Variants in THSD7B observed in about 807,000 individuals in gnomAD.
THSD7B encodes the protein thrombospondin type-1 domain-containing protein 7B.
A neutral mutation model predicts 213.6 loss-of-function variants in THSD7B; 138 were observed. The observed-to-expected ratio is 0.65, with a 90% CI of 0.56 to 0.74. THSD7B has a LOEUF of 0.74. THSD7B is among the 30% of genes least tolerant of loss of function. The pLI, the probability that THSD7B is intolerant of heterozygous loss-of-function variation, is 0.00. For missense variants in THSD7B, 1,931 were observed against 1,991.5 expected (o/e 0.97, Z 0.58); for synonymous variants, 742 against 687.0 (o/e 1.08, Z -1.25).
rs12327965 is a variant in THSD7B at position 137,546,435 on chromosome 2, T to A, written c.3139-16786T>A. ...ATATATTATATATATTATATATATA[T>A]TATATATATTATATATATATTATAT... On this transcript the variant is annotated intron_variant, in intron 15 of 27. Coordinates refer to ENST00000409968, the MANE Select transcript of THSD7B (RefSeq NM_001316349.2). Among the ~76,000 whole-genome samples the A allele has an allele frequency of 3.4e-3, 112 of 32,720 alleles. 11 individuals are homozygous for A. The highest frequency in any genetic ancestry group is 0.017 in the African/African-American group (86 of 5,102). The allele number at this position is 32,720 out of a possible 152,430, so 21.5% of individuals were successfully genotyped here.
chr2:137,217,114 A>C (rs1041093831), intron 7 of THSD7B, among the ~76,000 whole-genome samples: 1 of 152,170 alleles, frequency 6.6e-6, no homozygotes, highest in African/African-American at 2.4e-5. Context: ...ATACTGATGG[A>C]TATTACCTCA....
At chr2:136,843,295 T>G (rs16836954) in intron 1 of THSD7B, among the ~76,000 whole-genome samples, 5,278 of 152,288 alleles carry the variant, frequency 0.035, 154 homozygotes, top group East Asian at 0.16. Context: ...GTTCAAACAT[T>G]ACATTTCTTA....
chr2:137,056,774 A>C lies in THSD7B; in HGVS notation c.494A>C (p.Gln165Pro), dbSNP rs778586228. ...GAAATATGCGAACACTTTGCCCTTC[A>C]GCCTCCTACAGAACAGGCTTGCCTC... Reference protein sequence around the residue: ...ANEICEHFALQPPTEQACLIP... With the variant: ...ANEICEHFALPPPTEQACLIP... Residue 165 changes from glutamine to proline, a missense_variant, in exon 3 of 28, where the codon CAG becomes CCG. Physicochemically the swap from Gln to Pro is moderately conservative, Grantham distance 76. Coordinates refer to ENST00000409968, the MANE Select transcript of THSD7B (RefSeq NM_001316349.2). 6.2e-7 allele frequency: 1 copy of C among 1,613,988 alleles called. No individual in the cohort carries two copies. Among genetic ancestry groups the C allele is most frequent in the Non-Finnish European group, 8.5e-7 (1 of 1,179,888 alleles).
At chr2:136,897,196 A>G (rs897453933) in intron 2 of THSD7B, among the ~76,000 whole-genome samples, 8 of 152,106 alleles carry the variant, frequency 5.3e-5, no homozygotes, top group Admixed American at 4.6e-4. Context: ...CATTCTCTTA[A>G]TGTGTCCGTA....
At chr2:137,406,819 C>A (rs1686530889) in intron 13 of THSD7B, among the ~76,000 whole-genome samples, 2 of 152,180 alleles carry the variant, frequency 1.3e-5, no homozygotes. Flanking sequence ...CATGCCCTAT[C>A]TTCCACAAAA....
chr2:137,515,383 C>T (rs1680048620), intron 15 of THSD7B, among the ~76,000 whole-genome samples: 1 of 152,096 alleles, frequency 6.6e-6, no homozygotes, highest in South Asian at 2.1e-4. Flanking sequence ...GAGGCAGTTG[C>T]CAGACAAAAC....
At chr2:137,034,267 C>T (rs185567061) in intron 2 of THSD7B, among the ~76,000 whole-genome samples, 4 of 152,064 alleles carry the variant, frequency 2.6e-5, no homozygotes, top group East Asian at 1.9e-4. Flanking sequence ...TTACACCTTA[C>T]GCTAATTTTT....
At chr2:137,105,723 A>G (rs570018126) in intron 4 of THSD7B, among the ~76,000 whole-genome samples, 16 of 152,336 alleles carry the variant, frequency 1.1e-4, no homozygotes, top group African/African-American at 3.1e-4. Flanking sequence ...TACAAAATCA[A>G]TGTGCAAAAA....
intron 15 of THSD7B, among the ~76,000 whole-genome samples, chr2:137,491,971 A>AT (rs893980221): frequency 1.8e-4 from 26 of 148,416 alleles, no homozygotes; most frequent in Admixed American, 6.7e-4. Flanking sequence ...TCTTTTTCTT[A>AT]TTTTTTTTTT....
intron 5 of THSD7B, among the ~76,000 whole-genome samples, chr2:137,117,222 T>G (rs2104940507): frequency 6.6e-6 from 1 of 152,318 alleles, no homozygotes; most frequent in South Asian, 2.1e-4. Context: ...TTACTTTCCT[T>G]TCTTATAAAT....
chr2:137,115,167 C>G lies in THSD7B; in HGVS notation c.1243C>G (p.Leu415Val). Residue 415 changes from leucine (L) to valine (V), a missense_variant, in exon 5 of 28, where the codon CTC becomes GTC. Leu to Val is a conservative substitution (Grantham distance 32). Coordinates refer to ENST00000409968, the MANE Select transcript of THSD7B (RefSeq NM_001316349.2). ...TSEWKECQVS[L>V]LLEQQDPHWH... Reference sequence around the variant, plus strand: ...TGAATGGAAAGAATGCCAAGTCTCTCTCCTCCTCGAGCAGCAGGATCCCCA... The same window carrying G: ...TGAATGGAAAGAATGCCAAGTCTCTGTCCTCCTCGAGCAGCAGGATCCCCA... 6.2e-7 allele frequency: 1 copy of G among 1,613,936 alleles called. No homozygotes were observed. Among genetic ancestry groups the G allele is most frequent in the Admixed American group, 1.7e-5 (1 of 60,010 alleles).
chr2:137,517,443 G>C (rs1288235123), intron 15 of THSD7B, among the ~76,000 whole-genome samples: 1 of 152,308 alleles, frequency 6.6e-6, no homozygotes, highest in South Asian at 2.1e-4. Context: ...CTAGGGGTCT[G>C]GTGGTGTGAG....
intron 2 of THSD7B, among the ~76,000 whole-genome samples, chr2:136,977,362 T>A (rs530470795): frequency 2.5e-4 from 38 of 152,238 alleles, no homozygotes; most frequent in African/African-American, 9.1e-4. Context: ...CAGTCTATTC[T>A]TTTTTATTAG....
At chr2:137,157,364 A>C (rs534870755) in intron 5 of THSD7B, among the ~76,000 whole-genome samples, 2 of 152,154 alleles carry the variant, frequency 1.3e-5, no homozygotes, top group Non-Finnish European at 2.9e-5. Flanking sequence ...CTTGGGTTTT[A>C]TACCTTGGGG....
At chr2:137,456,348 G>C (rs1041553005) in intron 15 of THSD7B, among the ~76,000 whole-genome samples, 1 of 152,214 alleles carries the variant, frequency 6.6e-6, no homozygotes, top group African/African-American at 2.4e-5. Flanking sequence ...TGCTCATTCT[G>C]ATACTGCTTT....
At chr2:137,534,949 T>G (rs972024360) in intron 15 of THSD7B, among the ~76,000 whole-genome samples, 3 of 151,800 alleles carry the variant, frequency 2.0e-5, no homozygotes, top group Admixed American at 6.6e-5. Flanking sequence ...TAATTGAAAC[T>G]TGATTTTGTC....
chr2:137,594,246 G>C (rs764170611), intron 17 of THSD7B, among the ~76,000 whole-genome samples: 2 of 151,920 alleles, frequency 1.3e-5, no homozygotes, highest in Non-Finnish European at 2.9e-5. Context: ...CCAGCTACAG[G>C]CTGTCTGTTT....
At chr2:137,490,504 A>T (rs1688580686) in intron 15 of THSD7B, among the ~76,000 whole-genome samples, 1 of 152,174 alleles carries the variant, frequency 6.6e-6, no homozygotes, top group South Asian at 2.1e-4. Context: ...AGCAGAAGGT[A>T]CAGAGATTTC....
Position 137,057,143 on chromosome 2 carries a change from A to G in THSD7B, c.863A>G (p.His288Arg), listed in dbSNP as rs772406279. The G allele has an allele frequency of 4.3e-6, 7 of 1,613,896 alleles. No individual in the cohort carries two copies. The highest frequency in any genetic ancestry group is 5.9e-6 in the Non-Finnish European group (7 of 1,179,902). Residue 288 changes from histidine to arginine, a missense_variant, in exon 3 of 28, where the codon CAT becomes CGT. Coordinates refer to ENST00000409968, the MANE Select transcript of THSD7B (RefSeq NM_001316349.2). The part of the protein sequence containing the change: ...TFKHQSYKAH[H>R]HSKSWAIEIG... The stretch of plus-strand genomic sequence containing the variant: ...AAACATCAAAGTTACAAAGCACATC[A>G]TCATTCGAAGTCTTGGGCAATAGAG...
Sources: gnomAD v4.1 joint callset for allele counts (sites outside exome capture counted in the v4.1 genomes callset) on GRCh38, gnomAD v4.1.1 for gene constraint, MANE v1.5 for transcripts, NCBI Gene and HGNC (gene_info 2026-07-23, HGNC 2026-07-21) for gene names.